The following GVQW3 variants were observed in gnomAD, a reference collection of about 807,000 sequenced individuals.
GVQW3 encodes the protein protein GVQW3.
A neutral mutation model predicts 12.5 loss-of-function variants in GVQW3; 7 were observed. The ratio of observed to expected loss-of-function variants is 0.56; its 90% CI spans 0.32 to 1.05. The LOEUF (loss-of-function observed/expected upper bound fraction) is 1.05. Among genes scored for constraint, GVQW3 ranks in the 50% least tolerant of loss-of-function variants. The probability of loss-of-function intolerance (pLI) is 0.04; values close to 1 mark genes in which losing one functional copy is unlikely to be tolerated. For synonymous variants in GVQW3, 71 were observed against 67.2 expected (o/e 1.06, Z -0.28); for missense variants, 188 against 190.8 (o/e 0.99, Z 0.09).
chr11:76,404,396 G>T lies in GVQW3; in HGVS notation c.*638G>T, dbSNP rs192519859. 1.5e-4 allele frequency: 25 copies of T among 163,226 alleles called. No individual in the cohort carries two copies. The East Asian group carries it at 4.3e-3, about 28-fold the overall frequency. The allele number at this position is 163,226 out of a possible 1,614,324, so 10.1% of individuals were successfully genotyped here. A position where few individuals can be genotyped will look rare whatever the true frequency, so the allele number is the denominator to read the frequency against. ...ATACAGGACATCCAGGCATCTAAAA[G>T]GTAGCTCAGTATCTCTGCCTTCTCT... On this transcript the variant is annotated 3_prime_UTR_variant, in exon 2 of 2. Transcript: ENST00000529331.
chr11:76,386,948 C>G (rs1386281728), intron 1 of GVQW3, among the ~76,000 whole-genome samples: 1 of 152,114 alleles, frequency 6.6e-6, no homozygotes, highest in Admixed American at 6.5e-5. Context: ...GGTCAACAGA[C>G]TTCTATAAAG....
intron 1 of GVQW3, among the ~76,000 whole-genome samples, chr11:76,395,765 A>C (rs1214488946): frequency 6.6e-6 from 1 of 152,352 alleles, no homozygotes; most frequent in East Asian, 1.9e-4. Context: ...CATGGAATAC[A>C]GTGATAATAG....
At chr11:76,382,613 C>T in intron 1 of GVQW3, 1 of 544,010 alleles carries the variant, frequency 1.8e-6, no homozygotes, top group Middle Eastern at 4.7e-4. Context: ...GACCATTTTC[C>T]TTGCTGTTCT....
Position 76,400,038 on chromosome 11 carries a change from C to CACACAT in GVQW3, c.466-3617_466-3616insTACACA, listed in dbSNP as rs1266127182. Among the ~76,000 whole-genome samples, 465 of 151,448 alleles carry CACACAT rather than the reference C, an allele frequency of 3.1e-3. 5 individuals carry two copies. The highest frequency in any genetic ancestry group is 0.011 in the African/African-American group (455 of 41,178). ...ACACACACACACACACACACACACA[C>CACACAT]ACACACACACACGGATCTTGTTGGT... On this transcript the variant is annotated intron_variant, in intron 1 of 1. Coordinates refer to ENST00000529331, the MANE Select transcript of GVQW3 (RefSeq NM_001347885.2).
In GVQW3 at chr11:76,403,988, C is replaced by G. The variant is rs1947015936; in HGVS notation, c.*230C>G. ...GCTGCCTCTTCATTACTCGGTCTAC[C>G]AATTCAAATGCTAATCTCTTCCGGA... On this transcript the variant is annotated 3_prime_UTR_variant, in exon 2 of 2. Transcript: ENST00000529331. The G allele has an allele frequency of 3.0e-6, 2 of 672,658 alleles. No individual in the cohort carries two copies. Among genetic ancestry groups the G allele is most frequent in the African/African-American group, 3.6e-5 (2 of 56,270 alleles). The allele number at this position is 672,658 out of a possible 1,614,324, so 41.7% of individuals were successfully genotyped here. A position where few individuals can be genotyped will look rare whatever the true frequency, so the allele number is the denominator to read the frequency against.
At chr11:76,385,769 A>G (rs972726138) in intron 1 of GVQW3, among the ~76,000 whole-genome samples, 17 of 152,066 alleles carry the variant, frequency 1.1e-4, no homozygotes, top group African/African-American at 3.9e-4. Flanking sequence ...ACATGGGGGA[A>G]TTATGTGTTG....
intron 1 of GVQW3, among the ~76,000 whole-genome samples, chr11:76,401,103 G>A (rs905743047): frequency 3.0e-4 from 45 of 148,540 alleles, no homozygotes; most frequent in African/African-American, 7.4e-4. Context: ...GAACTCCTGG[G>A]CTCAAGCAAT....
intron 1 of GVQW3, among the ~76,000 whole-genome samples, chr11:76,398,160 G>T (rs1028735496): frequency 1.3e-5 from 2 of 149,008 alleles, no homozygotes; most frequent in Non-Finnish European, 3.0e-5. Flanking sequence ...AGAAAGAAAA[G>T]AAAATGACTG....
At chr11:76,392,239 TA>T (rs1159011243) in intron 1 of GVQW3, 1 of 152,244 alleles carries the variant, frequency 6.6e-6, no homozygotes, top group Non-Finnish European at 1.5e-5. Flanking sequence ...CAGTGGACTG[TA>T]AAGAAGCAAA....
intron 1 of GVQW3, 114 bp downstream of exon 1, chr11:76,382,407 A>T (rs992705159): frequency 1.3e-6 from 1 of 743,704 alleles, no homozygotes; most frequent in Non-Finnish European, 2.4e-6. Context: ...TGCAGGCGTC[A>T]TCTTCAACAA....
In GVQW3 at chr11:76,406,950, G is replaced by A. The variant is rs535084466; in HGVS notation, c.*3192G>A. ...AAGAACCTGGGAGGCGGAGCTTGCA[G>A]TGAGCCAAGGTCACACCACTGCACT... On this transcript the variant is annotated 3_prime_UTR_variant, in exon 2 of 2. Coordinates refer to ENST00000529331, the MANE Select transcript of GVQW3 (RefSeq NM_001347885.2). 6.6e-6 allele frequency: 1 copy of A among 152,288 alleles called. No homozygotes were observed. Among genetic ancestry groups the A allele is most frequent in the African/African-American group, 2.4e-5 (1 of 41,538 alleles). The allele number at this position is 152,288 out of a possible 1,614,324, so 9.4% of individuals were successfully genotyped here. A position where few individuals can be genotyped will look rare whatever the true frequency, so the allele number is the denominator to read the frequency against.
At chr11:76,409,088 C>T (rs557539245), downstream of GVQW3, among the ~76,000 whole-genome samples, 32 of 152,260 alleles carry the variant, frequency 2.1e-4, no homozygotes, top group Admixed American at 1.6e-3. Context: ...ATTCAGTGTC[C>T]GCTGCATGCC....
chr11:76,398,369 T>C (rs1201461600), intron 1 of GVQW3, among the ~76,000 whole-genome samples: 3 of 152,162 alleles, frequency 2.0e-5, no homozygotes, highest in Non-Finnish European at 4.4e-5. Flanking sequence ...TAGAGTGCAG[T>C]GGCTCAATCT....
rs577003025 is a variant in GVQW3, at chr11:76,385,120, A to G, written c.465+2827A>G. 4.6e-5 allele frequency among the ~76,000 whole-genome samples: 7 copies of G among 152,274 alleles called. No homozygotes were observed. The East Asian group carries it at 1.3e-3, about 29-fold the overall frequency. ...GGTGGAGTGTAGAGTACCAGAAGCTATGTTGGTCCAGACATGGTTTAGACA... is the reference window on the plus strand; with the variant it reads ...GGTGGAGTGTAGAGTACCAGAAGCTGTGTTGGTCCAGACATGGTTTAGACA... On this transcript the variant is annotated intron_variant, in intron 1 of 1. Coordinates refer to ENST00000529331, the MANE Select transcript of GVQW3 (RefSeq NM_001347885.2).
chr11:76,386,335 T>G (rs941469538), intron 1 of GVQW3, among the ~76,000 whole-genome samples: 1 of 152,118 alleles, frequency 6.6e-6, no homozygotes, highest in Non-Finnish European at 1.5e-5. Context: ...ATGTGGAGGG[T>G]TCTGCCATCT....
intron 1 of GVQW3, chr11:76,392,571 C>T (rs533407789): frequency 6.6e-6 from 1 of 152,298 alleles, no homozygotes; most frequent in South Asian, 2.1e-4. Flanking sequence ...GTAATTATTT[C>T]CTTTACTAAA....
rs2017759 is a variant in GVQW3, at chr11:76,405,941, C to T, written c.*2183C>T. 0.27 allele frequency: 41,134 copies of T among 152,108 alleles called. 5,902 individuals are homozygous for T. Among genetic ancestry groups the T allele is most frequent in the Admixed American group, 0.37 (5,602 of 15,270 alleles). The allele number at this position is 152,108 out of a possible 1,614,324, so 9.4% of individuals were successfully genotyped here. A position where few individuals can be genotyped will look rare whatever the true frequency, so the allele number is the denominator to read the frequency against. On this transcript the variant is annotated 3_prime_UTR_variant, in exon 2 of 2. Transcript: ENST00000529331. ...CCTCCCAAAGTGCTAGAATTACAGGCATTAGCCACCATGCCTGGCCTGGAG... is the reference window on the plus strand; with the variant it reads ...CCTCCCAAAGTGCTAGAATTACAGGTATTAGCCACCATGCCTGGCCTGGAG...
chr11:76,386,624 C>T (rs1565241682), intron 1 of GVQW3, among the ~76,000 whole-genome samples: 3 of 152,296 alleles, frequency 2.0e-5, no homozygotes, highest in Middle Eastern at 3.4e-3. Context: ...TCACTAGGCT[C>T]GTTGGGATTG....
intron 1 of GVQW3, among the ~76,000 whole-genome samples, chr11:76,388,432 TGTA>T (rs1565242299): frequency 6.6e-6 from 1 of 152,132 alleles, no homozygotes; most frequent in Non-Finnish European, 1.5e-5. Flanking sequence ...TTTCCAAAGT[TGTA>T]GTAGAATCTC....
Sources: gnomAD v4.1 joint callset for allele counts (sites outside exome capture counted in the v4.1 genomes callset) on GRCh38, gnomAD v4.1.1 for gene constraint, MANE v1.5 for transcripts, NCBI Gene and HGNC (gene_info 2026-07-23, HGNC 2026-07-21) for gene names.